The following EIF3D variants were observed in gnomAD, a reference collection of about 807,000 sequenced individuals.
EIF3D encodes eIF3 p66.
EIF3D carries 10 observed loss-of-function variants against 75.4 expected under a neutral mutation model. That is an observed-to-expected ratio of 0.13 (90% confidence interval 0.08 to 0.22). The LOEUF (loss-of-function observed/expected upper bound fraction) is 0.22, where lower values mean the gene tolerates loss of function less well. EIF3D is among the 10% of genes least tolerant of loss of function. The pLI is 1.00. For synonymous variants in EIF3D, 246 were observed against 248.3 expected, an observed-to-expected ratio of 0.99 and a Z score of 0.09; for missense variants, 394 against 708.0, an observed-to-expected ratio of 0.56 and a Z score of 5.03.
rs369861196 is a variant in EIF3D, at chr22:36,519,459, G to A, written c.657C>T (p.Ser219=). 22 of 1,614,098 alleles carry A rather than the reference G, an allele frequency of 1.4e-5. No individual in the cohort carries two copies. The highest frequency in any genetic ancestry group is 6.7e-5 in the African/African-American group (5 of 74,930). Residue 219 remains serine (S), a synonymous_variant, in exon 8 of 15, where the codon AGC becomes AGT. Coordinates refer to ENST00000216190, the MANE Select transcript of EIF3D (RefSeq NM_003753.4). ...TGACAGTGTGGAAGATGCGCTTGATGCTCCGCAGTGGCTTCTCACTCCTCG... is the reference window on the plus strand; with the variant it reads ...TGACAGTGTGGAAGATGCGCTTGATACTCCGCAGTGGCTTCTCACTCCTCG... ...ITTRSEKPLR[S]IKRIFHTVTT...
intron 6 of EIF3D, 21 bp from the exon 7 acceptor site, chr22:36,520,709 A>C: frequency 1.3e-6 from 2 of 1,550,624 alleles, no homozygotes; most frequent in Non-Finnish European, 1.8e-6. Context: ...AAACCATTAG[A>C]GGAAAAAAAA....
At chr22:36,516,009 AGT>A in intron 12 of EIF3D, 1 of 153,988 alleles carries the variant, frequency 6.5e-6, no homozygotes, top group East Asian at 1.9e-4. Flanking sequence ...AGAATCCATG[AGT>A]TAAAGAAATG....
At chr22:36,524,055 C>T in intron 4 of EIF3D, 75 bp from the exon 5 acceptor site, 1 of 1,447,122 alleles carries the variant, frequency 6.9e-7, no homozygotes, top group Non-Finnish European at 9.7e-7. Flanking sequence ...AGTGGGAGGT[C>T]TTTGGAGTAA....
intron 4 of EIF3D, 127 bp downstream of exon 4, chr22:36,524,469 C>T (rs531597874): frequency 4.1e-5 from 56 of 1,370,158 alleles, no homozygotes; most frequent in South Asian, 1.5e-4. Context: ...AACGGTGACC[C>T]GAGATTCACG....
chr22:36,518,309 G>A (rs1478716144), intron 9 of EIF3D, among the ~76,000 whole-genome samples: 1 of 151,954 alleles, frequency 6.6e-6, no homozygotes, highest in Non-Finnish European at 1.5e-5. Flanking sequence ...TCGCCAACAT[G>A]GTGAAACCGT....
At chr22:36,527,622 C>T (rs1285766723) in intron 1 of EIF3D, among the ~76,000 whole-genome samples, 3 of 152,150 alleles carry the variant, frequency 2.0e-5, no homozygotes, top group African/African-American at 4.8e-5. Context: ...GGGCGGATCA[C>T]GAGGTCAGCA....
intron 12 of EIF3D, among the ~76,000 whole-genome samples, chr22:36,514,750 T>C (rs548360749): frequency 6.6e-6 from 1 of 152,294 alleles, no homozygotes; most frequent in African/African-American, 2.4e-5. Context: ...AAGTGGCTTT[T>C]CTTTCAGAAC....
intron 12 of EIF3D, chr22:36,512,858 GACAC>G (rs67441722): frequency 0.44 from 148,974 of 340,896 alleles, 31,750 homozygotes; most frequent in Admixed American, 0.56. Flanking sequence ...GACACACACG[GACAC>G]ACACACACAC....
At chr22:36,527,128 A>G (rs918391630) in intron 1 of EIF3D, among the ~76,000 whole-genome samples, 3 of 152,238 alleles carry the variant, frequency 2.0e-5, no homozygotes, top group Non-Finnish European at 4.4e-5. Context: ...GAACTGCCAG[A>G]GGGCCAAGGA....
At position 36,515,535 on chromosome 22, in the gene EIF3D, A is replaced by G. The variant is rs1396712522; in HGVS notation, c.1206+943T>C. On this transcript the variant is annotated intron_variant, in intron 12 of 14. Coordinates refer to ENST00000216190, the MANE Select transcript of EIF3D (RefSeq NM_003753.4). Reference sequence around the variant, plus strand: ...AAGAGCGAAACTCCGTTTCAGAAAAATAAAATAAAAAATAAAAGTAAAATA... The same window carrying G: ...AAGAGCGAAACTCCGTTTCAGAAAAGTAAAATAAAAAATAAAAGTAAAATA... Among the ~76,000 whole-genome samples the G allele has an allele frequency of 3.3e-5, 5 of 152,364 alleles. No individual in the cohort carries two copies. The South Asian group carries it at 1.0e-3, about 32-fold the overall frequency.
intron 13 of EIF3D, among the ~76,000 whole-genome samples, chr22:36,512,218 A>T (rs1934351475): frequency 6.6e-6 from 1 of 152,136 alleles, no homozygotes; most frequent in Admixed American, 6.5e-5. Flanking sequence ...GGGAAAGGGA[A>T]AACATCGTCT....
In EIF3D at chr22:36,520,837, T is replaced by C. The variant is rs189105765; in HGVS notation, c.466-149A>G. 5 of 564,728 alleles carry C rather than the reference T, an allele frequency of 8.9e-6. No individual in the cohort carries two copies. In the East Asian group the frequency reaches 1.2e-4, roughly 14 times the overall value. 35.0% of individuals were successfully genotyped at this position (564,728 alleles called of 1,614,324 possible). On this transcript the variant is annotated intron_variant, in intron 6 of 14. Coordinates refer to ENST00000216190, the MANE Select transcript of EIF3D (RefSeq NM_003753.4). ...TGGGAAGCTGGGGCAGGATGATTGC[T>C]TGAGCCCAGGAGTTTGAGGCTGCAG...
At chr22:36,518,510 C>T (rs770389991) in intron 9 of EIF3D, among the ~76,000 whole-genome samples, 1 of 132,954 alleles carries the variant, frequency 7.5e-6, no homozygotes, top group East Asian at 2.0e-4. Flanking sequence ...AAAAAAAAAA[C>T]AACAAAAAAG....
intron 12 of EIF3D, 83 bp from the exon 13 acceptor site, chr22:36,512,685 C>A: frequency 6.8e-7 from 1 of 1,478,324 alleles, no homozygotes; most frequent in Non-Finnish European, 9.1e-7. Context: ...AGAAGGAACT[C>A]CCTAGTCTGC....
Position 36,523,990 on chromosome 22 carries a change from A to G in EIF3D, c.307-10T>C, listed in dbSNP as rs760028301. 5 of 1,614,010 alleles carry G rather than the reference A, an allele frequency of 3.1e-6. No homozygotes were observed. In the South Asian group the frequency reaches 3.3e-5, roughly 11 times the overall value. ...CTCTGCGGAGGTTCCTCTGGGCATCAGCAAGAAACATCCATGTTAAAATCT... is the reference window on the plus strand; with the variant it reads ...CTCTGCGGAGGTTCCTCTGGGCATCGGCAAGAAACATCCATGTTAAAATCT... On this transcript the variant is annotated splice_polypyrimidine_tract_variant and intron_variant, in intron 4 of 14. Transcript: ENST00000216190.
At position 36,519,453 on chromosome 22, in the gene EIF3D, C is replaced by T; in HGVS notation, c.663G>A (p.Lys221=). Residue 221 remains lysine (K), a synonymous_variant, in exon 8 of 15, where the codon AAG becomes AAA. Transcript: ENST00000216190. ...TRSEKPLRSI[K]RIFHTVTTTD... ...TGGTGGTGACAGTGTGGAAGATGCG[C>T]TTGATGCTCCGCAGTGGCTTCTCAC... 1 of 1,614,182 alleles carries T rather than the reference C, an allele frequency of 6.2e-7. No homozygotes were observed. The highest frequency in any genetic ancestry group is 8.5e-7 in the Non-Finnish European group (1 of 1,180,046).
At chr22:36,528,543 G>A (rs888678575) in intron 1 of EIF3D, among the ~76,000 whole-genome samples, 2 of 148,232 alleles carry the variant, frequency 1.3e-5, no homozygotes, top group Non-Finnish European at 3.0e-5. Flanking sequence ...ACTCAGAAGG[G>A]GCTCTGTGGT....
chr22:36,512,858 GACACACACAC>G (rs67441722), intron 12 of EIF3D: 6,474 of 343,748 alleles, frequency 0.019, 89 homozygotes, highest in Non-Finnish European at 0.024. Flanking sequence ...GACACACACG[GACACACACAC>G]ACACACACAC....
In EIF3D at chr22:36,525,988, C is replaced by G. The variant is rs199906631; in HGVS notation, c.123+11G>C. On this transcript the variant is annotated intron_variant, in intron 2 of 14. Coordinates refer to ENST00000216190, the MANE Select transcript of EIF3D (RefSeq NM_003753.4). ...CTGCAAAGATTCAGACTCCTGCTGA[C>G]AGGCATGTACCTTTCCTAGCCGATC... 1.0e-4 allele frequency: 160 copies of G among 1,596,580 alleles called. No homozygotes were observed. In the Admixed American group the frequency reaches 1.1e-3, roughly 11 times the overall value.
Sources: gnomAD v4.1 joint callset for allele counts (sites outside exome capture counted in the v4.1 genomes callset) on GRCh38, gnomAD v4.1.1 for gene constraint, MANE v1.5 for transcripts, NCBI Gene and HGNC (gene_info 2026-07-23, HGNC 2026-07-21) for gene names.